Variants in CLYBL observed in about 807,000 individuals in gnomAD.
CLYBL encodes citramalyl-CoA lyase, mitochondrial.
Under a neutral mutation model 38.9 loss-of-function variants are expected in CLYBL, and 31 were observed. The ratio of observed to expected loss-of-function variants is 0.80; its 90% CI spans 0.60 to 1.08. The LOEUF (loss-of-function observed/expected upper bound fraction) is 1.08, where lower values mean the gene tolerates loss of function less well. Ranked by LOEUF, CLYBL falls within the 50% of genes least tolerant of loss-of-function variation. The probability of loss-of-function intolerance (pLI) is 0.00; values close to 1 mark genes in which losing one functional copy is unlikely to be tolerated. For synonymous variants in CLYBL, 171 were observed against 158.6 expected (o/e 1.08, Z -0.59); for missense variants, 434 against 411.6 (o/e 1.05, Z -0.47).
At chr13:99,807,928 G>A (rs1483009125) in intron 2 of CLYBL, among the ~76,000 whole-genome samples, 3 of 152,172 alleles carry the variant, frequency 2.0e-5, no homozygotes, top group Non-Finnish European at 2.9e-5. Context: ...GTGAGAGAAG[G>A]TTCCTCCTCA....
chr13:99,667,580 A>G (rs925580959), intron 1 of CLYBL, among the ~76,000 whole-genome samples: 4 of 151,946 alleles, frequency 2.6e-5, no homozygotes, highest in Admixed American at 1.3e-4. Flanking sequence ...ATTTCCTAGT[A>G]GTTTTGGGTG....
chr13:99,801,388 A>T (rs1433998823), intron 2 of CLYBL, among the ~76,000 whole-genome samples: 1 of 152,224 alleles, frequency 6.6e-6, no homozygotes, highest in Non-Finnish European at 1.5e-5. Flanking sequence ...TCATGGCAAG[A>T]ACCATACTGT....
Position 99,676,599 on chromosome 13 carries a change from C to CTT in CLYBL, c.62+69852_62+69853dup, listed in dbSNP as rs112196090. 9.0e-3 allele frequency among the ~76,000 whole-genome samples: 1,216 copies of CTT among 135,070 alleles called. 16 individuals are homozygous for CTT. Among genetic ancestry groups the CTT allele is most frequent in the African/African-American group, 0.031 (1,152 of 37,410 alleles). The allele number at this position is 135,070 out of a possible 152,430, so 88.6% of individuals were successfully genotyped here. A position where few individuals can be genotyped will look rare whatever the true frequency, so the allele number is the denominator to read the frequency against. ...GCCACCACACCCAGCCTTCTTCATT[C>CTT]TTTTTTTTTTTGAGGTGGAGTTTTG... On this transcript the variant is annotated intron_variant, in intron 1 of 8. Transcript: ENST00000339105.
At chr13:99,830,400 G>A (rs2050782132) in intron 2 of CLYBL, among the ~76,000 whole-genome samples, 1 of 152,332 alleles carries the variant, frequency 6.6e-6, no homozygotes, top group East Asian at 1.9e-4. Flanking sequence ...AGGAGGCTGA[G>A]CGTGGTTCCA....
intron 1 of CLYBL, among the ~76,000 whole-genome samples, chr13:99,680,884 C>T (rs1435308871): frequency 6.6e-6 from 1 of 152,188 alleles, no homozygotes; most frequent in Admixed American, 6.5e-5. Context: ...AAACAAACTA[C>T]CTAGTTGATA....
At chr13:99,728,266 G>GTTTCT (rs201635311) in intron 1 of CLYBL, among the ~76,000 whole-genome samples, 1 of 139,784 alleles carries the variant, frequency 7.2e-6, no homozygotes, top group African/African-American at 2.6e-5. Context: ...ATATACATAT[G>GTTTCT]TTTCTTTTCT....
intron 1 of CLYBL, among the ~76,000 whole-genome samples, chr13:99,699,311 G>A (rs182091638): frequency 6.6e-6 from 1 of 152,126 alleles, no homozygotes; most frequent in South Asian, 2.1e-4. Context: ...CTCGAACCCG[G>A]GAGGTGGAGG....
intron 2 of CLYBL, among the ~76,000 whole-genome samples, chr13:99,777,695 A>G (rs969453351): frequency 1.2e-4 from 18 of 151,142 alleles, no homozygotes; most frequent in Non-Finnish European, 2.4e-4. Context: ...GTTTCATCAT[A>G]TTGGTCAGGC....
At chr13:99,639,143 A>G (rs1033252875) in intron 1 of CLYBL, among the ~76,000 whole-genome samples, 2 of 152,216 alleles carry the variant, frequency 1.3e-5, no homozygotes, top group Non-Finnish European at 2.9e-5. Context: ...GAATCTTCAT[A>G]TAGATGAAAT....
At chr13:99,681,237 AT>A (rs955094671) in intron 1 of CLYBL, among the ~76,000 whole-genome samples, 2 of 152,172 alleles carry the variant, frequency 1.3e-5, no homozygotes, top group Non-Finnish European at 2.9e-5. Flanking sequence ...TGTAGAATAG[AT>A]ACTAGTATCG....
At chr13:99,693,648 C>T (rs1173838382) in intron 1 of CLYBL, among the ~76,000 whole-genome samples, 1 of 151,834 alleles carries the variant, frequency 6.6e-6, no homozygotes, top group Admixed American at 6.6e-5. Context: ...TGGTGGAAAC[C>T]CCAGTATTTG....
intron 7 of CLYBL, among the ~76,000 whole-genome samples, chr13:99,881,374 G>C (rs111252834): frequency 6.6e-6 from 1 of 152,102 alleles, no homozygotes; most frequent in Admixed American, 6.6e-5. Context: ...TGAAAAACAC[G>C]TTCTATACTT....
intron 1 of CLYBL, among the ~76,000 whole-genome samples, chr13:99,768,354 C>A (rs2049312116): frequency 6.6e-6 from 1 of 151,278 alleles, no homozygotes; most frequent in Non-Finnish European, 1.5e-5. Context: ...GCCACCACAC[C>A]CCGCTGATTT....
At position 99,866,224 on chromosome 13, in the gene CLYBL, A is replaced by G. The variant is rs761266542; in HGVS notation, c.635-16A>G. The G allele has an allele frequency of 1.2e-6, 2 of 1,611,486 alleles. No individual in the cohort carries two copies. The highest frequency in any genetic ancestry group is 1.7e-5 in the Admixed American group (1 of 59,448). On this transcript the variant is annotated splice_polypyrimidine_tract_variant and intron_variant, in intron 5 of 8. Coordinates refer to ENST00000339105, the MANE Select transcript of CLYBL (RefSeq NM_206808.5). ...AAAGTTAAAGCCTCCTTTTTCTGTT[A>G]ACATCCCATTTTCAGGTGCAACAAG...
At chr13:99,711,792 G>C (rs993215897) in intron 1 of CLYBL, among the ~76,000 whole-genome samples, 1 of 143,598 alleles carries the variant, frequency 7.0e-6, no homozygotes, top group African/African-American at 2.6e-5. Flanking sequence ...CTTGGCTCAC[G>C]GCAACCTTCA....
intron 2 of CLYBL, among the ~76,000 whole-genome samples, chr13:99,839,168 G>T (rs2051008938): frequency 6.6e-6 from 1 of 152,252 alleles, no homozygotes; most frequent in African/African-American, 2.4e-5. Context: ...TGGAAGAGCA[G>T]TGGGAGCGCC....
chr13:99,774,263 A>G (rs1033083979), intron 2 of CLYBL, among the ~76,000 whole-genome samples: 1 of 152,052 alleles, frequency 6.6e-6, no homozygotes, highest in Non-Finnish European at 1.5e-5. Context: ...AAAATAACCA[A>G]TTTGTAAATA....
chr13:99,654,882 G>A (rs1043765475), intron 1 of CLYBL, among the ~76,000 whole-genome samples: 19 of 151,992 alleles, frequency 1.3e-4, no homozygotes, highest in African/African-American at 3.4e-4. Context: ...GCGGGCGCCT[G>A]TAGTCCCAGC....
chr13:99,817,895 A>G (rs2050493083), intron 2 of CLYBL, among the ~76,000 whole-genome samples: 1 of 151,708 alleles, frequency 6.6e-6, no homozygotes, highest in African/African-American at 2.4e-5. Flanking sequence ...TCTTAGCTAC[A>G]TGGGAGTCTG....
Sources: allele counts gnomAD v4.1 joint callset (sites outside exome capture counted in the v4.1 genomes callset), GRCh38; gene constraint gnomAD v4.1.1; transcripts MANE v1.5; gene names NCBI Gene and HGNC (gene_info 2026-07-23, HGNC 2026-07-21).